The following ARHGAP10 variants were observed in gnomAD, a reference collection of about 807,000 sequenced individuals.
The protein encoded by ARHGAP10 is Rho GTPase activating protein 10, also known as rho GTPase-activating protein 10.
In ARHGAP10, 87 loss-of-function variants were observed where a neutral mutation model predicts 108.6. That is an observed-to-expected ratio of 0.80 (90% CI 0.67 to 0.96). The LOEUF is 0.96. ARHGAP10 is among the 40% of genes least tolerant of loss of function. The probability of loss-of-function intolerance (pLI) is 0.00; values close to 1 mark genes in which losing one functional copy is unlikely to be tolerated. For missense variants in ARHGAP10, 939 were observed against 954.5 expected, an observed-to-expected ratio of 0.98 and a Z score of 0.21; for synonymous variants, 347 against 341.1, an observed-to-expected ratio of 1.02 and a Z score of -0.19.
At chr4:148,050,692 A>G (rs1729099379) in intron 20 of ARHGAP10, among the ~76,000 whole-genome samples, 1 of 152,122 alleles carries the variant, frequency 6.6e-6, no homozygotes, top group South Asian at 2.1e-4. Context: ...TCTTTCTTAT[A>G]AAGATTACAA....
At chr4:147,860,175 G>T (rs187627776) in intron 5 of ARHGAP10, among the ~76,000 whole-genome samples, 18 of 152,326 alleles carry the variant, frequency 1.2e-4, no homozygotes, top group Non-Finnish European at 2.4e-4. Context: ...GGGCGTGGTG[G>T]CTCACGCCTG....
chr4:147,893,063 A>ACT lies in ARHGAP10; in HGVS notation c.1034+11131_1034+11132insCT, dbSNP rs1553960625. Among the ~76,000 whole-genome samples, 23 of 147,246 alleles carry ACT rather than the reference A, an allele frequency of 1.6e-4. 1 individual carries two copies. The highest frequency in any genetic ancestry group is 5.2e-4 in the African/African-American group (21 of 40,536). ...TACTTGTGGAATTGAATGGAAGTAAATTTTTTTTTTTTTGAGACGGAGTCT... is the reference window on the plus strand; with the variant it reads ...TACTTGTGGAATTGAATGGAAGTAAACTTTTTTTTTTTTTTGAGACGGAGTCT... On this transcript the variant is annotated intron_variant, in intron 10 of 22. Coordinates refer to ENST00000336498, the MANE Select transcript of ARHGAP10 (RefSeq NM_024605.4).
chr4:147,857,712 T>C, intron 5 of ARHGAP10, 58 bp downstream of exon 5: 2 of 1,306,472 alleles, frequency 1.5e-6, no homozygotes, highest in Non-Finnish European at 2.0e-6. Flanking sequence ...TACATGTCTT[T>C]TAAAAATGTG....
chr4:147,873,979 T>C lies in ARHGAP10; in HGVS notation c.703-1042T>C, dbSNP rs542204883. ...CTACTTTCTTTGCGGGCTTACACTT[T>C]CTTACAGGACATAAGCTGATATTTC... On this transcript the variant is annotated intron_variant, in intron 7 of 22. Coordinates refer to ENST00000336498, the MANE Select transcript of ARHGAP10 (RefSeq NM_024605.4). Among the ~76,000 whole-genome samples the C allele has an allele frequency of 3.9e-5, 6 of 152,074 alleles. No individual in the cohort carries two copies. The East Asian group carries it at 1.2e-3, about 29-fold the overall frequency.
chr4:147,824,517 A>G (rs1187239667), intron 3 of ARHGAP10, among the ~76,000 whole-genome samples: 1 of 152,014 alleles, frequency 6.6e-6, no homozygotes, highest in Admixed American at 6.6e-5. Context: ...AATACCTGAG[A>G]CTGGGTAATT....
chr4:147,844,720 ATC>A (rs1054313968), intron 3 of ARHGAP10, among the ~76,000 whole-genome samples: 9 of 152,106 alleles, frequency 5.9e-5, no homozygotes, highest in Admixed American at 2.0e-4. Context: ...ACCTGCAAAT[ATC>A]TCTCAAATCT....
intron 3 of ARHGAP10, among the ~76,000 whole-genome samples, chr4:147,841,318 A>C (rs879548803): frequency 2.4e-4 from 36 of 152,256 alleles, no homozygotes; most frequent in Admixed American, 1.9e-3. Flanking sequence ...TTTTATAGGA[A>C]TATGATTATG....
chr4:147,866,941 A>T, intron 7 of ARHGAP10, 125 bp downstream of exon 7: 1 of 778,624 alleles, frequency 1.3e-6, no homozygotes, highest in South Asian at 2.0e-5. Context: ...AACTGAGGGT[A>T]TGCTGCCACC....
chr4:147,949,496 T>G (rs1015899714), intron 15 of ARHGAP10, among the ~76,000 whole-genome samples: 1 of 152,216 alleles, frequency 6.6e-6, no homozygotes, highest in African/African-American at 2.4e-5. Context: ...CATTGCTGGT[T>G]TGCAGTGCTC....
At position 147,732,214 on chromosome 4, in the gene ARHGAP10, C is replaced by T; in HGVS notation, c.-88C>T. 1 of 1,347,580 alleles carries T rather than the reference C, an allele frequency of 7.4e-7. No individual in the cohort carries two copies. Among genetic ancestry groups the T allele is most frequent in the Non-Finnish European group, 9.6e-7 (1 of 1,039,100 alleles). 83.5% of individuals were successfully genotyped at this position (1,347,580 alleles called of 1,614,324 possible). On this transcript the variant is annotated 5_prime_UTR_variant, in exon 1 of 23. The change creates a new upstream start codon in the 5' untranslated region. Coordinates refer to ENST00000336498, the MANE Select transcript of ARHGAP10 (RefSeq NM_024605.4). ...TGCTAGCTCCTCTGTGCTCCCTGAA[C>T]GCGCGGCGCCGCACCTGGCAGCGGC...
Position 148,068,723 on chromosome 4 carries a change from C to T in ARHGAP10, c.2273-3270C>T, listed in dbSNP as rs552697070. 3.3e-5 allele frequency among the ~76,000 whole-genome samples: 5 copies of T among 152,330 alleles called. No individual in the cohort carries two copies. The East Asian group carries it at 9.6e-4, about 29-fold the overall frequency. ...GATAGGACAGAGCCCAGGACGCAGC[C>T]TCCCTGTGGGTCCTGTGGCAGTTCT... On this transcript the variant is annotated intron_variant, in intron 22 of 22. Transcript: ENST00000336498.
At chr4:147,922,006 C>T (rs1737250360) in intron 13 of ARHGAP10, among the ~76,000 whole-genome samples, 1 of 152,100 alleles carries the variant, frequency 6.6e-6, no homozygotes, top group African/African-American at 2.4e-5. Context: ...ATGGGCTTGG[C>T]CTTCTCCCCT....
intron 19 of ARHGAP10, among the ~76,000 whole-genome samples, chr4:148,031,614 A>G (rs1438943738): frequency 6.6e-6 from 1 of 152,220 alleles, no homozygotes; most frequent in East Asian, 1.9e-4. Flanking sequence ...GGTTCCTTTC[A>G]GAGTTACTCT....
At chr4:147,815,319 A>G (rs1732192444) in intron 1 of ARHGAP10, among the ~76,000 whole-genome samples, 2 of 152,174 alleles carry the variant, frequency 1.3e-5, no homozygotes, top group African/African-American at 4.8e-5. Flanking sequence ...AGTGATTAGT[A>G]GAGTACCTGA....
intron 8 of ARHGAP10, 25 bp from the exon 9 acceptor site, chr4:147,879,207 A>T: frequency 6.3e-7 from 1 of 1,594,422 alleles, no homozygotes; most frequent in Non-Finnish European, 8.6e-7. Flanking sequence ...GAGGGAAAAT[A>T]TAAAGGGCTG....
chr4:147,747,554 G>A (rs1238337660), intron 1 of ARHGAP10, among the ~76,000 whole-genome samples: 1 of 152,228 alleles, frequency 6.6e-6, no homozygotes, highest in Non-Finnish European at 1.5e-5. Context: ...TCCCTTCAGG[G>A]ATGTGGAGTG....
chr4:147,847,314 T>A, intron 4 of ARHGAP10, 92 bp downstream of exon 4: 87 of 1,063,336 alleles, frequency 8.2e-5, no homozygotes, highest in Middle Eastern at 2.1e-4. Context: ...TTGAAGGAGA[T>A]GCCGGAGCAA....
At chr4:148,020,013 T>C (rs1309131478) in intron 18 of ARHGAP10, among the ~76,000 whole-genome samples, 1 of 152,202 alleles carries the variant, frequency 6.6e-6, no homozygotes, top group Non-Finnish European at 1.5e-5. Flanking sequence ...TTATGTGTAA[T>C]AGTTGAGTAT....
intron 18 of ARHGAP10, among the ~76,000 whole-genome samples, chr4:147,979,223 T>G (rs1244196132): frequency 6.6e-6 from 1 of 152,230 alleles, no homozygotes; most frequent in Non-Finnish European, 1.5e-5. Flanking sequence ...TTAGTTAATT[T>G]ATTGTATATG....
Sources: gnomAD v4.1 joint callset for allele counts (sites outside exome capture counted in the v4.1 genomes callset) on GRCh38, gnomAD v4.1.1 for gene constraint, MANE v1.5 for transcripts, NCBI Gene and HGNC (gene_info 2026-07-23, HGNC 2026-07-21) for gene names.